Variants in DOCK1 observed in about 807,000 individuals in gnomAD.
DOCK1 encodes dedicator of cytokinesis 1.
A neutral mutation model predicts 262.7 loss-of-function variants in DOCK1; 138 were observed. That is an observed-to-expected ratio of 0.53 (90% CI 0.46 to 0.61). DOCK1 has a LOEUF of 0.61. DOCK1 is among the 20% of genes least tolerant of loss of function. DOCK1 has a pLI of 0.00. For synonymous variants in DOCK1, 866 were observed against 867.4 expected, an observed-to-expected ratio of 1.00 and a Z score of 0.03; for missense variants, 1,908 against 2,370.7, an observed-to-expected ratio of 0.80 and a Z score of 4.05.
intron 1 of DOCK1, among the ~76,000 whole-genome samples, chr10:126,953,989 A>G (rs1172790112): frequency 1.3e-5 from 2 of 152,216 alleles, no homozygotes; most frequent in African/African-American, 2.4e-5. Context: ...TGGTGGACAC[A>G]CTGTCGTGGG....
intron 38 of DOCK1, among the ~76,000 whole-genome samples, chr10:127,399,254 T>G (rs538208502): frequency 1.3e-5 from 2 of 152,344 alleles, no homozygotes; most frequent in East Asian, 3.9e-4. Flanking sequence ...CCTGTAGCAC[T>G]TCTGAGAACG....
At chr10:127,250,194 A>G (rs552486190) in intron 28 of DOCK1, among the ~76,000 whole-genome samples, 1 of 152,372 alleles carries the variant, frequency 6.6e-6, no homozygotes, top group Admixed American at 6.5e-5. Flanking sequence ...GACTCCAATT[A>G]GTACTTTGCC....
intron 2 of DOCK1, among the ~76,000 whole-genome samples, chr10:126,976,703 T>C (rs1432759545): frequency 2.0e-5 from 3 of 152,106 alleles, no homozygotes; most frequent in Non-Finnish European, 1.5e-5. Context: ...ACAGGGTCCT[T>C]TGTTCCTATG....
At chr10:127,037,846 G>GTAT in intron 19 of DOCK1, 30 bp downstream of exon 19, 2 of 1,401,414 alleles carry the variant, frequency 1.4e-6, no homozygotes, top group Non-Finnish European at 1.9e-6. Context: ...GACTTTTTGG[G>GTAT]TCTTTTTTTT....
At chr10:127,000,423 C>A in intron 10 of DOCK1, 116 bp downstream of exon 10, 1 of 1,387,502 alleles carries the variant, frequency 7.2e-7, no homozygotes, top group Non-Finnish European at 9.6e-7. Flanking sequence ...AGCTTTTCTG[C>A]TGGAGAGAAA....
chr10:127,168,672 C>T (rs954509868), intron 27 of DOCK1, among the ~76,000 whole-genome samples: 24 of 152,320 alleles, frequency 1.6e-4, no homozygotes, highest in Admixed American at 1.2e-3. Context: ...ACCTAATCAT[C>T]CTGCTAGAGA....
At chr10:127,151,342 G>A (rs1457371669) in intron 27 of DOCK1, among the ~76,000 whole-genome samples, 1 of 152,110 alleles carries the variant, frequency 6.6e-6, no homozygotes, top group African/African-American at 2.4e-5. Flanking sequence ...TTGGGAGGCA[G>A]CAGGAGTCCA....
chr10:127,234,583 A>G (rs1430003228), intron 27 of DOCK1, among the ~76,000 whole-genome samples: 7 of 152,154 alleles, frequency 4.6e-5, no homozygotes, highest in African/African-American at 1.4e-4. Context: ...TCTTCAATTA[A>G]TTTAAAAATT....
At chr10:126,949,554 G>T (rs2035996878) in intron 1 of DOCK1, among the ~76,000 whole-genome samples, 1 of 152,126 alleles carries the variant, frequency 6.6e-6, no homozygotes. Flanking sequence ...TTTCAGAGCA[G>T]CAAGGGCAGA....
At chr10:127,390,611 A>T (rs767475635) in intron 38 of DOCK1, among the ~76,000 whole-genome samples, 1 of 152,118 alleles carries the variant, frequency 6.6e-6, no homozygotes, top group African/African-American at 2.4e-5. Flanking sequence ...CTACAAGCCA[A>T]CGAGAGAGGA....
In DOCK1 at chr10:127,112,311, C is replaced by T. The variant is rs1259060711; in HGVS notation, c.2623+1957C>T. 2.6e-5 allele frequency among the ~76,000 whole-genome samples: 4 copies of T among 152,062 alleles called. No homozygotes were observed. The East Asian group carries it at 7.7e-4, about 29-fold the overall frequency. On this transcript the variant is annotated intron_variant, in intron 25 of 51. Transcript: ENST00000623213. ...ACAGGCGTGAGCCACCGAGCCTGAC[C>T]CCAGATATTTTTTCCTCTATTAAAA...
intron 1 of DOCK1, among the ~76,000 whole-genome samples, chr10:126,921,771 G>C (rs1304295259): frequency 1.3e-5 from 2 of 152,110 alleles, no homozygotes; most frequent in African/African-American, 2.4e-5. Context: ...TCCTGCCTCA[G>C]CCTCCCGAGT....
chr10:127,399,896 G>T (rs2067123208), intron 38 of DOCK1, among the ~76,000 whole-genome samples: 1 of 152,186 alleles, frequency 6.6e-6, no homozygotes. Context: ...GTGAGCCGGG[G>T]CTCTGGCAGA....
chr10:126,910,288 A>G (rs1365535331), intron 1 of DOCK1, among the ~76,000 whole-genome samples: 1 of 152,224 alleles, frequency 6.6e-6, no homozygotes, highest in Non-Finnish European at 1.5e-5. Flanking sequence ...GATACCAGAC[A>G]TCTGATCAGG....
chr10:126,980,353 A>C (rs1315596046), intron 3 of DOCK1, among the ~76,000 whole-genome samples: 2 of 151,792 alleles, frequency 1.3e-5, no homozygotes, highest in African/African-American at 2.4e-5. Flanking sequence ...CACCATGCCT[A>C]ACTAATTTGT....
intron 38 of DOCK1, among the ~76,000 whole-genome samples, chr10:127,396,114 T>A (rs2066818746): frequency 7.2e-6 from 1 of 139,728 alleles, no homozygotes; most frequent in Non-Finnish European, 1.6e-5. Flanking sequence ...GCTGGGTGTA[T>A]AGAGAGTCCT....
intron 27 of DOCK1, among the ~76,000 whole-genome samples, chr10:127,191,123 G>A (rs573879666): frequency 6.6e-6 from 1 of 152,160 alleles, no homozygotes; most frequent in South Asian, 2.1e-4. Flanking sequence ...CTTGGCTTAA[G>A]CTCCAGGACT....
Position 126,935,042 on chromosome 10 carries a change from G to A in DOCK1, c.46+29479G>A, listed in dbSNP as rs1404068875. Among the ~76,000 whole-genome samples, 7 of 152,292 alleles carry A rather than the reference G, an allele frequency of 4.6e-5. No homozygotes were observed. In the South Asian group the frequency reaches 6.2e-4, roughly 14 times the overall value. On this transcript the variant is annotated intron_variant, in intron 1 of 51. Transcript: ENST00000623213. ...GGAGAATGGTGTGAACCCAGGAGGCGGAGCTTGCAGTGAGCGGATCACGCC... is the reference window on the plus strand; with the variant it reads ...GGAGAATGGTGTGAACCCAGGAGGCAGAGCTTGCAGTGAGCGGATCACGCC...
intron 1 of DOCK1, among the ~76,000 whole-genome samples, chr10:126,908,504 T>G (rs2031282410): frequency 6.6e-6 from 1 of 152,244 alleles, no homozygotes; most frequent in African/African-American, 2.4e-5. Flanking sequence ...GAAACATGAA[T>G]CACAGCTTAT....
Sources: gnomAD v4.1 joint callset for allele counts (sites outside exome capture counted in the v4.1 genomes callset) on GRCh38, gnomAD v4.1.1 for gene constraint, MANE v1.5 for transcripts, NCBI Gene and HGNC (gene_info 2026-07-23, HGNC 2026-07-21) for gene names.